ST8SIA6: variants seen among roughly 807,000 people sequenced by gnomAD.
ST8SIA6 encodes alpha-2,8-sialyltransferase 8F.
A neutral mutation model predicts 33.6 loss-of-function variants in ST8SIA6; 39 were observed. That is an observed-to-expected ratio of 1.16 (90% CI 0.90 to 1.52). The LOEUF (loss-of-function observed/expected upper bound fraction) is 1.52. Among genes scored for constraint, ST8SIA6 ranks in the 40% most tolerant of loss-of-function variants. The pLI is 0.00. For missense variants in ST8SIA6, 441 were observed against 443.8 expected (o/e 0.99, Z 0.06); for synonymous variants, 172 against 167.2 (o/e 1.03, Z -0.22).
chr10:17,364,809 C>T (rs1421124905), intron 3 of ST8SIA6, among the ~76,000 whole-genome samples: 2 of 152,202 alleles, frequency 1.3e-5, no homozygotes, highest in African/African-American at 4.8e-5. Context: ...ATCATATTTT[C>T]TGCACACTTA....
chr10:17,422,245 G>A (rs1211477717), intron 2 of ST8SIA6, among the ~76,000 whole-genome samples: 1 of 152,134 alleles, frequency 6.6e-6, no homozygotes, highest in Admixed American at 6.5e-5. Flanking sequence ...ATTTGAAAGA[G>A]TCAACTGTTC....
At chr10:17,437,654 C>T (rs1852319731) in intron 2 of ST8SIA6, among the ~76,000 whole-genome samples, 1 of 129,850 alleles carries the variant, frequency 7.7e-6, no homozygotes, top group South Asian at 2.6e-4. Context: ...TCCTTCCTTC[C>T]TTCCTTCCTT....
intron 2 of ST8SIA6, among the ~76,000 whole-genome samples, chr10:17,413,939 C>G (rs957623567): frequency 6.6e-6 from 1 of 152,092 alleles, no homozygotes; most frequent in African/African-American, 2.4e-5. Context: ...CTGTTAATGT[C>G]AATACATTCT....
At chr10:17,401,092 C>G (rs1327584363) in intron 2 of ST8SIA6, among the ~76,000 whole-genome samples, 1 of 152,208 alleles carries the variant, frequency 6.6e-6, no homozygotes, top group African/African-American at 2.4e-5. Context: ...TCTCAGGATA[C>G]AAAATCAATG....
At chr10:17,411,434 G>A (rs1056811936) in intron 2 of ST8SIA6, among the ~76,000 whole-genome samples, 2 of 152,002 alleles carry the variant, frequency 1.3e-5, no homozygotes, top group Non-Finnish European at 2.9e-5. Flanking sequence ...CTTCCCACCT[G>A]GGCCTCCCAA....
intron 4 of ST8SIA6, among the ~76,000 whole-genome samples, chr10:17,346,793 T>G (rs531059087): frequency 6.6e-6 from 1 of 152,308 alleles, no homozygotes; most frequent in Admixed American, 6.5e-5. Context: ...CAATCAACAG[T>G]CTATCATCTA....
rs116248698 is a variant in ST8SIA6, at chr10:17,327,734, C to G, written c.523-608G>C. 5.1e-3 allele frequency among the ~76,000 whole-genome samples: 769 copies of G among 152,222 alleles called. 4 individuals carry two copies. The highest frequency in any genetic ancestry group is 0.018 in the African/African-American group (745 of 41,526). ...TGGGCCTGGGCAACAAAGCAAGACT[C>G]TGTCTCTACAAAAAGTAGAAAAATT... On this transcript the variant is annotated intron_variant, in intron 5 of 7. Transcript: ENST00000377602.
At chr10:17,394,623 C>A (rs767081382) in intron 2 of ST8SIA6, among the ~76,000 whole-genome samples, 2 of 152,110 alleles carry the variant, frequency 1.3e-5, no homozygotes, top group Non-Finnish European at 2.9e-5. Context: ...CTGTCCCCTC[C>A]TTTTCATTTC....
intron 4 of ST8SIA6, among the ~76,000 whole-genome samples, chr10:17,349,236 T>C (rs1848953669): frequency 1.3e-5 from 2 of 152,194 alleles, no homozygotes; most frequent in Non-Finnish European, 2.9e-5. Context: ...GTATAATCCA[T>C]ATGAAATGAT....
intron 3 of ST8SIA6, among the ~76,000 whole-genome samples, chr10:17,368,543 C>T (rs903750566): frequency 2.1e-5 from 3 of 144,638 alleles, no homozygotes; most frequent in African/African-American, 7.7e-5. Context: ...CTAAGTAATA[C>T]AAAAACAAAA....
rs58722684 is a variant in ST8SIA6, at chr10:17,318,215, C to CTT, written c.*2661_*2662dup. ...AGCTAGAATCCTAACTAAAGGGCTACTTTTTTTTTTTCTTTTTTGAGACAG... is the reference window on the plus strand; with the variant it reads ...AGCTAGAATCCTAACTAAAGGGCTACTTTTTTTTTTTTTCTTTTTTGAGACAG... On this transcript the variant is annotated 3_prime_UTR_variant, in exon 8 of 8. Coordinates refer to ENST00000377602, the MANE Select transcript of ST8SIA6 (RefSeq NM_001004470.3). Among the ~76,000 whole-genome samples, 1 of 147,446 alleles carries CTT rather than the reference C, an allele frequency of 6.8e-6. No homozygotes were observed.
intron 2 of ST8SIA6, among the ~76,000 whole-genome samples, chr10:17,446,586 A>C (rs1852715944): frequency 6.6e-6 from 1 of 152,218 alleles, no homozygotes; most frequent in African/African-American, 2.4e-5. Context: ...CATGGAAGAC[A>C]AATTTGAGAA....
At position 17,377,116 on chromosome 10, in the gene ST8SIA6, G is replaced by A. The variant is rs911123182; in HGVS notation, c.290+13415C>T. ...CATTCCACCATCATGATTTGTTCCT[G>A]CCCCACCCTAATTAACCAGTTGACC... On this transcript the variant is annotated intron_variant, in intron 3 of 7. Transcript: ENST00000377602. Among the ~76,000 whole-genome samples, 26 of 152,034 alleles carry A rather than the reference G, an allele frequency of 1.7e-4. 1 individual carries two copies. The highest frequency in any genetic ancestry group is 1.7e-3 in the Admixed American group (26 of 15,268).
At chr10:17,366,342 T>C (rs1289659868) in intron 3 of ST8SIA6, among the ~76,000 whole-genome samples, 1 of 152,170 alleles carries the variant, frequency 6.6e-6, no homozygotes, top group East Asian at 1.9e-4. Flanking sequence ...AGAACACAGC[T>C]TCAGAGATTA....
rs1180873985 is a variant in ST8SIA6, at chr10:17,315,533, C to A, written c.*5345G>T. ...GGTCCATCCATATAACATAATTCTA[C>A]TCAGTAAATAAAGGCATAAACTACA... On this transcript the variant is annotated 3_prime_UTR_variant, in exon 8 of 8. Coordinates refer to ENST00000377602, the MANE Select transcript of ST8SIA6 (RefSeq NM_001004470.3). 1.3e-5 allele frequency among the ~76,000 whole-genome samples: 2 copies of A among 151,974 alleles called. No individual in the cohort carries two copies. The highest frequency in any genetic ancestry group is 4.8e-5 in the African/African-American group (2 of 41,424).
At chr10:17,333,039 C>A (rs556124388) in intron 4 of ST8SIA6, among the ~76,000 whole-genome samples, 2 of 152,076 alleles carry the variant, frequency 1.3e-5, no homozygotes, top group African/African-American at 4.8e-5. Flanking sequence ...TTTTGCTGTG[C>A]AGAAGCTCTT....
At chr10:17,398,032 A>T (rs915478050) in intron 2 of ST8SIA6, among the ~76,000 whole-genome samples, 3 of 152,174 alleles carry the variant, frequency 2.0e-5, no homozygotes, top group African/African-American at 7.2e-5. Flanking sequence ...AAGTAAGAAA[A>T]ATTAAGACTC....
Position 17,420,371 on chromosome 10 carries a change from C to T in ST8SIA6, c.201-29751G>A, listed in dbSNP as rs1024090130. On this transcript the variant is annotated intron_variant, in intron 2 of 7. Coordinates refer to ENST00000377602, the MANE Select transcript of ST8SIA6 (RefSeq NM_001004470.3). ...AGCTTGCAGTGAGCTGAGATCACGC[C>T]ACTGCACTCCAGCCTGGGCGACAGA... is the stretch of plus-strand genomic sequence containing the variant. Among the ~76,000 whole-genome samples the T allele has an allele frequency of 3.3e-5, 5 of 151,978 alleles. No individual in the cohort carries two copies. The South Asian group carries it at 8.3e-4, about 25-fold the overall frequency.
chr10:17,369,164 G>A (rs1041998297), intron 3 of ST8SIA6, among the ~76,000 whole-genome samples: 4 of 151,968 alleles, frequency 2.6e-5, no homozygotes, highest in Non-Finnish European at 1.5e-5. Flanking sequence ...TCACAGATAC[G>A]TTCAAACATC....
Sources: gnomAD v4.1 joint callset for allele counts (sites outside exome capture counted in the v4.1 genomes callset) on GRCh38, gnomAD v4.1.1 for gene constraint, MANE v1.5 for transcripts, NCBI Gene and HGNC (gene_info 2026-07-23, HGNC 2026-07-21) for gene names.